The following TBL1XR1 variants were observed in gnomAD, a reference collection of about 807,000 sequenced individuals.
TBL1XR1 encodes the protein F-box-like/WD repeat-containing protein TBL1XR1.
A neutral mutation model predicts 66.9 loss-of-function variants in TBL1XR1; 5 were observed. The observed-to-expected ratio is 0.07, with a 90% CI of 0.04 to 0.16. The LOEUF is 0.16. Ranked by LOEUF, TBL1XR1 falls within the 10% of genes least tolerant of loss-of-function variation. The pLI is 1.00. For missense variants in TBL1XR1, 238 were observed against 623.2 expected, an observed-to-expected ratio of 0.38 and a Z score of 6.58; for synonymous variants, 210 against 206.0, an observed-to-expected ratio of 1.02 and a Z score of -0.17.
chr3:177,071,048 T>TTTTTTTTTTTTTTA (rs1719931112), intron 2 of TBL1XR1, among the ~76,000 whole-genome samples: 16 of 144,198 alleles, frequency 1.1e-4, no homozygotes, highest in African/African-American at 2.3e-4. Context: ...TTTTTTTTTT[T>TTTTTTTTTTTTTTA]GAGACAGAGT....
chr3:177,079,197 C>T (rs143459478), intron 2 of TBL1XR1, among the ~76,000 whole-genome samples: 11,404 of 151,790 alleles, frequency 0.075, 524 homozygotes, highest in Admixed American at 0.15. Context: ...TTTGGAAGGC[C>T]GAGGTGGGTG....
chr3:177,192,549 T>C (rs1577451146), intron 1 of TBL1XR1, among the ~76,000 whole-genome samples: 1 of 152,246 alleles, frequency 6.6e-6, no homozygotes, highest in South Asian at 2.1e-4. Flanking sequence ...AAATTATTCA[T>C]AGTATATGTA....
chr3:177,108,078 T>G (rs887006127), intron 1 of TBL1XR1, among the ~76,000 whole-genome samples: 18 of 151,782 alleles, frequency 1.2e-4, no homozygotes, highest in Admixed American at 1.0e-3. Context: ...GTTTGTTGAC[T>G]CTGAAGCAAT....
intron 1 of TBL1XR1, among the ~76,000 whole-genome samples, chr3:177,110,038 A>G (rs1254999067): frequency 3.9e-5 from 6 of 152,194 alleles, no homozygotes; most frequent in Admixed American, 2.6e-4. Context: ...TTTTCTCTGC[A>G]GTATCGATTT....
chr3:177,034,403 A>G lies in TBL1XR1; in HGVS notation c.1123-78T>C, dbSNP rs926953560. The G allele has an allele frequency of 1.0e-5, 11 of 1,075,998 alleles. No homozygotes were observed. In the African/African-American group the frequency reaches 1.8e-4, roughly 18 times the overall value. The allele number at this position is 1,075,998 out of a possible 1,614,324, so 66.7% of individuals were successfully genotyped here. ...TTAAAATATTATTTTGACACTTAAA[A>G]TATTATATGGACAGTCTAAAACATG... On this transcript the variant is annotated intron_variant, in intron 12 of 15. Coordinates refer to ENST00000457928, the MANE Select transcript of TBL1XR1 (RefSeq NM_024665.7).
intron 14 of TBL1XR1, among the ~76,000 whole-genome samples, chr3:177,028,077 C>G (rs1713413701): frequency 6.6e-6 from 1 of 152,080 alleles, no homozygotes; most frequent in Non-Finnish European, 1.5e-5. Flanking sequence ...GGCAACAAGG[C>G]AGAGCTAAGA....
At chr3:177,149,975 G>T (rs1165306602) in intron 1 of TBL1XR1, among the ~76,000 whole-genome samples, 1 of 152,056 alleles carries the variant, frequency 6.6e-6, no homozygotes, top group African/African-American at 2.4e-5. Context: ...CTTAAAGTGG[G>T]TATTAATATA....
At chr3:177,199,736 T>C (rs1737305567), upstream of TBL1XR1, among the ~76,000 whole-genome samples, 1 of 152,166 alleles carries the variant, frequency 6.6e-6, no homozygotes, top group Non-Finnish European at 1.5e-5. Flanking sequence ...CTGAAGTTCT[T>C]ATACCCTACA....
At chr3:177,153,109 T>C (rs1414544415) in intron 1 of TBL1XR1, among the ~76,000 whole-genome samples, 1 of 152,126 alleles carries the variant, frequency 6.6e-6, no homozygotes, top group Non-Finnish European at 1.5e-5. Flanking sequence ...CACTCTAGCC[T>C]GGGCAACAGA....
At chr3:177,077,416 T>C (rs1720826333) in intron 2 of TBL1XR1, among the ~76,000 whole-genome samples, 1 of 152,204 alleles carries the variant, frequency 6.6e-6, no homozygotes, top group African/African-American at 2.4e-5. Context: ...TTTGGTGAGA[T>C]GGAGTCCTTG....
intron 1 of TBL1XR1, among the ~76,000 whole-genome samples, chr3:177,184,382 A>T (rs570064472): frequency 3.3e-5 from 5 of 152,312 alleles, no homozygotes; most frequent in African/African-American, 1.2e-4. Context: ...ATATTCACCT[A>T]ATGTCCAAAC....
chr3:177,159,522 A>ATTTTCTCATC, intron 1 of TBL1XR1, among the ~76,000 whole-genome samples: 1 of 152,346 alleles, frequency 6.6e-6, no homozygotes, highest in Non-Finnish European at 1.5e-5. Context: ...ACCAAGACAC[A>ATTTTCTCATC]AAATTCTCAT....
chr3:177,035,662 C>T (rs775343392), intron 12 of TBL1XR1, among the ~76,000 whole-genome samples: 13 of 152,132 alleles, frequency 8.5e-5, no homozygotes, highest in African/African-American at 2.4e-4. Flanking sequence ...GAACTGCCCA[C>T]GTCGGCCTCC....
At chr3:177,109,545 T>G (rs937464988) in intron 1 of TBL1XR1, among the ~76,000 whole-genome samples, 1 of 152,142 alleles carries the variant, frequency 6.6e-6, no homozygotes, top group Non-Finnish European at 1.5e-5. Flanking sequence ...GTAATTAACC[T>G]TTCTACTAGA....
intron 1 of TBL1XR1, among the ~76,000 whole-genome samples, chr3:177,166,676 G>GT (rs1369991929): frequency 2.3e-4 from 35 of 152,188 alleles, no homozygotes; most frequent in Non-Finnish European, 1.2e-4. Context: ...ATGCAGAACT[G>GT]TGAGTCAACT....
chr3:177,177,418 C>G (rs567699719), intron 1 of TBL1XR1, among the ~76,000 whole-genome samples: 1 of 152,200 alleles, frequency 6.6e-6, no homozygotes, highest in South Asian at 2.1e-4. Flanking sequence ...CCACTGCACT[C>G]CAGCCTAGGC....
intron 1 of TBL1XR1, among the ~76,000 whole-genome samples, chr3:177,099,133 G>A (rs1049295854): frequency 1.3e-5 from 2 of 152,124 alleles, no homozygotes; most frequent in Non-Finnish European, 2.9e-5. Context: ...TTGGGAGGCC[G>A]AAGCAGGCGG....
intron 2 of TBL1XR1, among the ~76,000 whole-genome samples, chr3:177,097,169 G>A (rs900874176): frequency 1.3e-5 from 2 of 152,132 alleles, no homozygotes; most frequent in African/African-American, 4.8e-5. Flanking sequence ...CTTTCAGACT[G>A]ATACATCATT....
chr3:177,154,086 A>G (rs1731215929), intron 1 of TBL1XR1, among the ~76,000 whole-genome samples: 1 of 151,980 alleles, frequency 6.6e-6, no homozygotes, highest in Non-Finnish European at 1.5e-5. Context: ...AAATTATCTA[A>G]ATCCCATTAT....
Sources: gnomAD v4.1 joint callset for allele counts (sites outside exome capture counted in the v4.1 genomes callset) on GRCh38, gnomAD v4.1.1 for gene constraint, MANE v1.5 for transcripts, NCBI Gene and HGNC (gene_info 2026-07-23, HGNC 2026-07-21) for gene names.